The following ASAP1 variants were observed in gnomAD, a reference collection of about 807,000 sequenced individuals.
ASAP1 encodes ArfGAP with SH3 domain, ankyrin repeat and PH domain 1, also known as arf-GAP with SH3 domain, ANK repeat and PH domain-containing protein 1.
Under a neutral mutation model 145.2 loss-of-function variants are expected in ASAP1, and 43 were observed. That is an observed-to-expected ratio of 0.30 (90% CI 0.23 to 0.38). The LOEUF is 0.38. Among genes scored for constraint, ASAP1 ranks in the 10% least tolerant of loss-of-function variants. ASAP1 has a pLI of 1.00. For missense variants in ASAP1, 1,018 were observed against 1,355.3 expected (o/e 0.75, Z 3.91); for synonymous variants, 546 against 515.5 (o/e 1.06, Z -0.80).
At chr8:130,181,574 T>C (rs1233421075) in intron 7 of ASAP1, among the ~76,000 whole-genome samples, 1 of 152,190 alleles carries the variant, frequency 6.6e-6, no homozygotes, top group East Asian at 1.9e-4. Context: ...ATTCCAAGAA[T>C]ACATTTTAAT....
rs145582530 is a variant in ASAP1, at chr8:130,388,743, A to C, written c.59+13142T>G. ...TCAACTGGGTCAGATGATTCGCAGA[A>C]GCTGAGTTGACTTACAGATTAATTC... is the stretch of plus-strand genomic sequence containing the variant. On this transcript the variant is annotated intron_variant, in intron 2 of 29. Transcript: ENST00000518721. Among the ~76,000 whole-genome samples, 1,228 of 152,304 alleles carry C rather than the reference A, an allele frequency of 8.1e-3. 8 individuals carry two copies. The highest frequency in any genetic ancestry group is 0.013 in the Non-Finnish European group (905 of 68,022).
intron 11 of ASAP1, among the ~76,000 whole-genome samples, chr8:130,162,662 C>CA (rs1450085680): frequency 9.2e-5 from 14 of 151,868 alleles, no homozygotes; most frequent in African/African-American, 3.4e-4. Context: ...ACTAAAAATA[C>CA]AAAAAATTAG....
intron 13 of ASAP1, among the ~76,000 whole-genome samples, chr8:130,143,109 G>A (rs1005235388): frequency 2.6e-5 from 4 of 152,138 alleles, no homozygotes; most frequent in Admixed American, 2.6e-4. Flanking sequence ...TGAATGGAGG[G>A]ACACATTGTT....
chr8:130,409,936 G>A (rs531041468), intron 1 of ASAP1, among the ~76,000 whole-genome samples: 1 of 152,200 alleles, frequency 6.6e-6, no homozygotes, highest in Non-Finnish European at 1.5e-5. Context: ...CCCATAGAGA[G>A]CTCACAGTCT....
chr8:130,228,709 A>G (rs1235036303), intron 4 of ASAP1, among the ~76,000 whole-genome samples: 1 of 151,910 alleles, frequency 6.6e-6, no homozygotes, highest in Non-Finnish European at 1.5e-5. Flanking sequence ...TTAAAAAAAA[A>G]AAAAAAGAAA....
rs957851672 is a variant in ASAP1 at position 130,309,193 on chromosome 8, T to C, written c.186+48824A>G. Among the ~76,000 whole-genome samples, 23 of 152,206 alleles carry C rather than the reference T, an allele frequency of 1.5e-4. 1 individual carries two copies. Among genetic ancestry groups the C allele is most frequent in the Non-Finnish European group, 3.1e-4 (21 of 68,036 alleles). On this transcript the variant is annotated intron_variant, in intron 3 of 29. Coordinates refer to ENST00000518721, the MANE Select transcript of ASAP1 (RefSeq NM_018482.4). ...CTATTTTAAAAAGCACAATGCTTGC[T>C]TTGGGGCATAGTCCCTTTTTACGAA...
intron 2 of ASAP1, among the ~76,000 whole-genome samples, chr8:130,391,599 G>T (rs1828287513): frequency 6.6e-6 from 1 of 152,196 alleles, no homozygotes; most frequent in East Asian, 1.9e-4. Context: ...CACCTAGGCA[G>T]GTACTAGGGG....
intron 2 of ASAP1, among the ~76,000 whole-genome samples, chr8:130,376,051 CAT>C (rs1185202119): frequency 6.6e-6 from 1 of 152,172 alleles, no homozygotes; most frequent in East Asian, 1.9e-4. Flanking sequence ...AACAAAAAGA[CAT>C]AATCAATTTG....
chr8:130,062,788 T>C (rs2097422255), intron 27 of ASAP1, among the ~76,000 whole-genome samples: 1 of 152,168 alleles, frequency 6.6e-6, no homozygotes, highest in Non-Finnish European at 1.5e-5. Context: ...ATGCCACCCA[T>C]CTGAATGCAG....
rs370843045 is a variant in ASAP1, at chr8:130,187,992, TA to T, written c.480+116del. 843 of 769,566 alleles carry T rather than the reference TA, an allele frequency of 1.1e-3. 4 individuals are homozygous for T. The highest frequency in any genetic ancestry group is 4.6e-3 in the South Asian group (278 of 59,856). The allele number at this position is 769,566 out of a possible 1,614,324, so 47.7% of individuals were successfully genotyped here. A position where few individuals can be genotyped will look rare whatever the true frequency, so the allele number is the denominator to read the frequency against. On this transcript the variant is annotated intron_variant, in intron 6 of 29. Coordinates refer to ENST00000518721, the MANE Select transcript of ASAP1 (RefSeq NM_018482.4). ...AATGATCATTTTCCAAGAGCATTTT[TA>T]ACGCTGAAAATGTTCAAAGAGTCTT...
intron 3 of ASAP1, among the ~76,000 whole-genome samples, chr8:130,312,744 T>C (rs1169412583): frequency 6.6e-6 from 1 of 152,354 alleles, no homozygotes; most frequent in Admixed American, 6.5e-5. Context: ...AAAGCCCATG[T>C]TCAACCACTG....
intron 6 of ASAP1, among the ~76,000 whole-genome samples, chr8:130,187,517 T>C (rs186878289): frequency 2.0e-5 from 3 of 151,780 alleles, no homozygotes; most frequent in East Asian, 3.9e-4. Flanking sequence ...CCAGGCTCAA[T>C]TGATCTTCCC....
At chr8:130,300,184 A>AGAGAGAGC (rs761456724) in intron 3 of ASAP1, among the ~76,000 whole-genome samples, 14 of 140,358 alleles carry the variant, frequency 1.0e-4, no homozygotes, top group African/African-American at 3.6e-4. Flanking sequence ...AGAGAGAGAG[A>AGAGAGAGC]GAGCGAGCGA....
At chr8:130,362,278 A>G (rs1387512162) in intron 2 of ASAP1, among the ~76,000 whole-genome samples, 1 of 152,182 alleles carries the variant, frequency 6.6e-6, no homozygotes, top group Non-Finnish European at 1.5e-5. Context: ...TGTGGGCCCA[A>G]GAAACCACAA....
Position 130,339,630 on chromosome 8 carries a change from C to A in ASAP1, c.186+18387G>T, listed in dbSNP as rs1055804002. On this transcript the variant is annotated intron_variant, in intron 3 of 29. Coordinates refer to ENST00000518721, the MANE Select transcript of ASAP1 (RefSeq NM_018482.4). ...TCTTAGGGCTCAAACACAAAAAAAT[C>A]AATTACTTAAAACATAAAACACAAT... Among the ~76,000 whole-genome samples the A allele has an allele frequency of 6.3e-4, 96 of 152,198 alleles. 1 individual carries two copies. The highest frequency in any genetic ancestry group is 4.4e-4 in the Non-Finnish European group (30 of 68,006).
At chr8:130,145,055 G>A (rs1309504561) in intron 13 of ASAP1, among the ~76,000 whole-genome samples, 1 of 152,166 alleles carries the variant, frequency 6.6e-6, no homozygotes, top group African/African-American at 2.4e-5. Flanking sequence ...AAGACGTGGC[G>A]CTGAGGTTAC....
Position 130,358,272 on chromosome 8 carries a change from G to T in ASAP1, c.60-129C>A. The stretch of plus-strand genomic sequence containing the variant: ...CGCCACCCGCCGCCCGGCCTGGCGC[G>T]CGGCTCCCGTCCCCGGCAGCGGCGA... On this transcript the variant is annotated intron_variant, in intron 2 of 29. Coordinates refer to ENST00000518721, the MANE Select transcript of ASAP1 (RefSeq NM_018482.4). The surrounding 1 kb of genome is among the most constrained non-coding windows in gnomAD (Gnocchi z 4.1). The T allele has an allele frequency of 3.2e-6, 2 of 628,156 alleles. No individual in the cohort carries two copies. Among genetic ancestry groups the T allele is most frequent in the Non-Finnish European group, 4.1e-6 (2 of 484,002 alleles). The allele number at this position is 628,156 out of a possible 1,614,324, so 38.9% of individuals were successfully genotyped here.
At chr8:130,363,126 A>G (rs1366383249) in intron 2 of ASAP1, among the ~76,000 whole-genome samples, 1 of 152,238 alleles carries the variant, frequency 6.6e-6, no homozygotes, top group Non-Finnish European at 1.5e-5. Flanking sequence ...TGAGAATTCA[A>G]CGAGCTAAGG....
intron 3 of ASAP1, among the ~76,000 whole-genome samples, chr8:130,237,478 G>GT (rs1416379370): frequency 6.6e-6 from 1 of 151,666 alleles, no homozygotes; most frequent in Non-Finnish European, 1.5e-5. Context: ...GTGCTTTTAA[G>GT]TTTTGCGATT....
Sources: allele counts gnomAD v4.1 joint callset (sites outside exome capture counted in the v4.1 genomes callset), GRCh38; gene constraint gnomAD v4.1.1; non-coding constraint Gnocchi (gnomAD v3.1); transcripts MANE v1.5; gene names NCBI Gene and HGNC (gene_info 2026-07-23, HGNC 2026-07-21).